The following SYNM variants were observed in gnomAD, a reference collection of about 807,000 sequenced individuals.
The protein encoded by SYNM is desmuslin.
A neutral mutation model predicts 104.0 loss-of-function variants in SYNM; 95 were observed. The observed-to-expected ratio is 0.91, with a 90% CI of 0.77 to 1.08. The LOEUF is 1.08. Ranked by LOEUF, SYNM falls within the 50% of genes least tolerant of loss-of-function variation. The pLI, the probability that SYNM is intolerant of heterozygous loss-of-function variation, is 0.00. For missense variants in SYNM, 2,150 were observed against 2,052.2 expected (o/e 1.05, Z -0.92); for synonymous variants, 918 against 869.0 (o/e 1.06, Z -0.99).
In SYNM at chr15:99,105,125, G is replaced by A; in HGVS notation, c.-75G>A. The A allele has an allele frequency of 4.7e-6, 7 of 1,478,182 alleles. No individual in the cohort carries two copies. Among genetic ancestry groups the A allele is most frequent in the Non-Finnish European group, 5.4e-6 (6 of 1,106,826 alleles). The allele number at this position is 1,478,182 out of a possible 1,614,324, so 91.6% of individuals were successfully genotyped here. The stretch of plus-strand genomic sequence containing the variant: ...AGCGGCGAGGCCGGAGCGTCGCGGC[G>A]GAGAGGACGAGACCGGGACAAGACC... On this transcript the variant is annotated 5_prime_UTR_variant, in exon 1 of 4. Transcript: ENST00000336292.
At position 99,131,491 on chromosome 15, in the gene SYNM, G is replaced by A. The variant is rs1555485898; in HGVS notation, c.3131G>A (p.Ser1044Asn). ...CGGGAGAGCCTGAGCAGGCAACGCA[G>A]CCCAGCGCCTGGCAGCCCAGATGAG... ...VVRESLSRQRSPAPGSPDEEG... is the reference protein window; with the variant it reads ...VVRESLSRQRNPAPGSPDEEG... Residue 1044 changes from serine (S) to asparagine (N), a missense_variant, in exon 4 of 4, where the codon AGC (serine) becomes AAC (asparagine). Physicochemically the swap from Ser to Asn is conservative, Grantham distance 46. Transcript: ENST00000336292. This position sits in a 1 kb window ranked among gnomAD's most constrained non-coding sequence, Gnocchi z 4.3. 1.2e-6 allele frequency: 2 copies of A among 1,606,340 alleles called. No individual in the cohort carries two copies. The highest frequency in any genetic ancestry group is 1.1e-5 in the South Asian group (1 of 90,794).
intron 2 of SYNM, among the ~76,000 whole-genome samples, chr15:99,115,018 A>G (rs905447853): frequency 6.6e-6 from 1 of 151,898 alleles, no homozygotes; most frequent in African/African-American, 2.4e-5. Flanking sequence ...CTCCGAGTCA[A>G]CTCTGAGGTG....
At chr15:99,110,038 C>T (rs2067287327) in intron 1 of SYNM, among the ~76,000 whole-genome samples, 2 of 152,100 alleles carry the variant, frequency 1.3e-5, no homozygotes, top group South Asian at 4.2e-4. Context: ...TTGCAGTAAC[C>T]CAGGCAGGAA....
At chr15:99,113,854 C>A in intron 2 of SYNM, 139 bp downstream of exon 2, 2 of 1,337,092 alleles carry the variant, frequency 1.5e-6, no homozygotes, top group Non-Finnish European at 2.0e-6. Context: ...TTGGCATGGC[C>A]AGGCAAGGAG....
chr15:99,114,861 A>G (rs1423043760), intron 2 of SYNM, among the ~76,000 whole-genome samples: 1 of 152,102 alleles, frequency 6.6e-6, no homozygotes, highest in Non-Finnish European at 1.5e-5. Flanking sequence ...CAGGGCAGCT[A>G]TGAAGGAGCC....
chr15:99,133,040 T>C lies in SYNM; in HGVS notation c.4680T>C (p.Asn1560=). The change falls in exon 4 of 4, where the codon AAT becomes AAC. Residue 1560 remains asparagine, a synonymous_variant. Transcript: ENST00000336292. Reference sequence around the variant, plus strand: ...ATCTAGACAATGAGGAGGAGGAGAATGATGGGCATTGGTTTTAATAAGCAG... The same window carrying C: ...ATCTAGACAATGAGGAGGAGGAGAACGATGGGCATTGGTTTTAATAAGCAG... ...LLYLDNEEEE[N]DGHWF The C allele has an allele frequency of 6.2e-7, 1 of 1,613,646 alleles. No individual in the cohort carries two copies. Among genetic ancestry groups the C allele is most frequent in the South Asian group, 1.1e-5 (1 of 91,040 alleles).
Position 99,105,629 on chromosome 15 carries a change from C to T in SYNM, c.430C>T (p.Leu144Phe), listed in dbSNP as rs2067227728. ...LGRLQAERRG[L>F]DAAHERDVRE... is the part of the protein sequence containing the mutation. ...CCGGCTGCAGGCCGAGCGCCGAGGC[C>T]TCGACGCGGCCCACGAACGCGACGT... The change falls in exon 1 of 4, where the codon CTC (leucine) becomes TTC (phenylalanine). Residue 144 changes from leucine to phenylalanine, a missense_variant. Coordinates refer to ENST00000336292, the MANE Select transcript of SYNM (RefSeq NM_145728.3). 2 of 1,323,166 alleles carry T rather than the reference C, an allele frequency of 1.5e-6. No homozygotes were observed. The highest frequency in any genetic ancestry group is 1.9e-6 in the Non-Finnish European group (2 of 1,036,932). The allele number at this position is 1,323,166 out of a possible 1,614,324, so 82.0% of individuals were successfully genotyped here.
Position 99,134,062 on chromosome 15 carries a change from C to T in SYNM, c.*1004C>T, listed in dbSNP as rs1390815832. ...CCTCTTAAAGATGCCTTTCCCAACC[C>T]TCCATTCATGGGATGCAGGTCTTTC... On this transcript the variant is annotated 3_prime_UTR_variant, in exon 4 of 4. Transcript: ENST00000336292. The T allele has an allele frequency of 1.3e-5, 2 of 152,272 alleles. No homozygotes were observed. The highest frequency in any genetic ancestry group is 4.8e-5 in the African/African-American group (2 of 41,540). 9.4% of individuals were successfully genotyped at this position (152,272 alleles called of 1,614,324 possible).
Position 99,130,585 on chromosome 15 carries a change from A to T in SYNM, c.2225A>T (p.Lys742Met), listed in dbSNP as rs2067491266. The change falls in exon 4 of 4, where the codon AAG becomes ATG. Residue 742 changes from lysine (K) to methionine (M), a missense_variant. Lys to Met is a moderately conservative substitution (Grantham distance 95). Transcript: ENST00000336292. ...LGLKGREGRA[K>M]VVNVEIVEEP... ...CTGAAAGGGAGGGAGGGGAGAGCAAAGGTCGTCAACGTGGAGATCGTGGAG... is the reference window on the plus strand; with the variant it reads ...CTGAAAGGGAGGGAGGGGAGAGCAATGGTCGTCAACGTGGAGATCGTGGAG... 1 of 1,613,682 alleles carries T rather than the reference A, an allele frequency of 6.2e-7. No homozygotes were observed. Among genetic ancestry groups the T allele is most frequent in the Non-Finnish European group, 8.5e-7 (1 of 1,179,802 alleles).
intron 1 of SYNM, among the ~76,000 whole-genome samples, chr15:99,110,145 G>A (rs1411094062): frequency 6.6e-6 from 1 of 152,208 alleles, no homozygotes; most frequent in Non-Finnish European, 1.5e-5. Context: ...GGGAGAGGGA[G>A]AAATCACAGT....
chr15:99,119,996 G>A (rs2067384892), intron 2 of SYNM, among the ~76,000 whole-genome samples: 2 of 152,188 alleles, frequency 1.3e-5, no homozygotes, highest in East Asian at 3.9e-4. Flanking sequence ...GCTGCCTTCT[G>A]TTTAGTACCT....
Position 99,133,913 on chromosome 15 carries a change from A to G in SYNM, c.*855A>G, listed in dbSNP as rs1555486375. On this transcript the variant is annotated 3_prime_UTR_variant, in exon 4 of 4. Coordinates refer to ENST00000336292, the MANE Select transcript of SYNM (RefSeq NM_145728.3). ...CTGCACCTTATCCCTTAGCACCCAA[A>G]CATTTAATTTCACTGGTGGGAGGTA... 1 of 152,174 alleles carries G rather than the reference A, an allele frequency of 6.6e-6. No homozygotes were observed. The highest frequency in any genetic ancestry group is 1.5e-5 in the Non-Finnish European group (1 of 68,036). 9.4% of individuals were successfully genotyped at this position (152,174 alleles called of 1,614,324 possible).
intron 1 of SYNM, among the ~76,000 whole-genome samples, chr15:99,108,221 G>A (rs539972924): frequency 1.3e-5 from 2 of 152,158 alleles, no homozygotes; most frequent in East Asian, 3.9e-4. Flanking sequence ...GTGATCCACC[G>A]GCCGTGGCCT....
At chr15:99,108,051 C>T (rs1468247390) in intron 1 of SYNM, among the ~76,000 whole-genome samples, 2 of 151,522 alleles carry the variant, frequency 1.3e-5, no homozygotes, top group Admixed American at 6.6e-5. Flanking sequence ...CTCGGCACAC[C>T]GCAACATCCG....
chr15:99,138,143 G>A (rs782561030), downstream of SYNM: 1 of 1,611,644 alleles, frequency 6.2e-7, no homozygotes, highest in Non-Finnish European at 8.5e-7. Context: ...GACAAGCAGA[G>A]GGTGGGGTGA....
At chr15:99,121,896 C>A (rs994302515) in intron 2 of SYNM, among the ~76,000 whole-genome samples, 3 of 152,170 alleles carry the variant, frequency 2.0e-5, no homozygotes, top group Non-Finnish European at 4.4e-5. Flanking sequence ...AGACAGACAA[C>A]GCGGTCTCTG....
chr15:99,132,446 A>G lies in SYNM; in HGVS notation c.4086A>G (p.Arg1362=), dbSNP rs144903602. ...HQATHSHTSG[R]QTVMTEKSTF... Reference sequence around the variant, plus strand: ...CCACTCACAGTCATACCTCGGGTAGACAAACCGTTATGACTGAAAAGAGCA... The same window carrying G: ...CCACTCACAGTCATACCTCGGGTAGGCAAACCGTTATGACTGAAAAGAGCA... Residue 1362 remains arginine (R), a synonymous_variant, in exon 4 of 4, where the codon AGA becomes AGG. Coordinates refer to ENST00000336292, the MANE Select transcript of SYNM (RefSeq NM_145728.3). 1.1e-4 allele frequency: 178 copies of G among 1,614,058 alleles called. 1 individual carries two copies. The East Asian group carries it at 3.9e-3, about 35-fold the overall frequency.
chr15:99,117,830 C>T (rs949759222), intron 2 of SYNM, among the ~76,000 whole-genome samples: 8 of 152,114 alleles, frequency 5.3e-5, no homozygotes, highest in South Asian at 2.1e-4. Flanking sequence ...GATCGCGAGC[C>T]GTTTCTGCTC....
downstream of SYNM, chr15:99,139,228 T>G (rs1344479716): frequency 6.6e-7 from 1 of 1,520,680 alleles, no homozygotes; most frequent in Non-Finnish European, 8.9e-7. Context: ...CCAGAGAAGG[T>G]TACACAGAAC....
Sources: allele counts gnomAD v4.1 joint callset (sites outside exome capture counted in the v4.1 genomes callset), GRCh38; gene constraint gnomAD v4.1.1; non-coding constraint Gnocchi (gnomAD v3.1); transcripts MANE v1.5; gene names NCBI Gene and HGNC (gene_info 2026-07-23, HGNC 2026-07-21).